Variants in C6 observed in about 807,000 individuals in gnomAD.
C6 encodes complement C6.
C6 carries 101 observed loss-of-function variants against 112.9 expected under a neutral mutation model. The ratio of observed to expected loss-of-function variants is 0.89; its 90% CI spans 0.76 to 1.06. The LOEUF (loss-of-function observed/expected upper bound fraction) is 1.06. C6 is among the 50% of genes least tolerant of loss of function. C6 has a pLI of 0.00. For missense variants in C6, 1,202 were observed against 1,104.6 expected (o/e 1.09, Z -1.25); for synonymous variants, 431 against 384.1 (o/e 1.12, Z -1.43).
At chr5:41,259,372 C>G (rs1450326246) in intron 1 of C6, among the ~76,000 whole-genome samples, 3 of 152,052 alleles carry the variant, frequency 2.0e-5, no homozygotes, top group Non-Finnish European at 4.4e-5. Context: ...TCTAGAATCT[C>G]TTGTATTTTA....
At chr5:41,194,710 T>C (rs1288746305) in intron 5 of C6, among the ~76,000 whole-genome samples, 1 of 140,084 alleles carries the variant, frequency 7.1e-6, no homozygotes, top group Middle Eastern at 3.4e-3. Context: ...GTATAGGAGA[T>C]TATCTTTACT....
chr5:41,225,605 A>G (rs559572841), intron 1 of C6, among the ~76,000 whole-genome samples: 62 of 152,284 alleles, frequency 4.1e-4, no homozygotes, highest in African/African-American at 1.3e-3. Flanking sequence ...GCTGGGTCAA[A>G]TTGTATTTCT....
rs528951229 is a variant in C6, at chr5:41,179,823, TAAAG to T, written c.927+1532_927+1535del. ...AATTATGAATAAATAAATGAATGAA[TAAAG>T]AGTCAAATATCTTGAAGTGTAATAC... On this transcript the variant is annotated intron_variant, in intron 7 of 17. Transcript: ENST00000337836. Among the ~76,000 whole-genome samples, 422 of 151,852 alleles carry T rather than the reference TAAAG, an allele frequency of 2.8e-3. 3 individuals carry two copies. The highest frequency in any genetic ancestry group is 9.8e-3 in the African/African-American group (407 of 41,492).
chr5:41,171,284 T>C (rs932968058), intron 9 of C6, among the ~76,000 whole-genome samples: 2 of 152,156 alleles, frequency 1.3e-5, no homozygotes, highest in Non-Finnish European at 2.9e-5. Context: ...TTGGCTGATT[T>C]AGTTGACGGT....
chr5:41,169,750 C>T (rs1748273846), intron 9 of C6, among the ~76,000 whole-genome samples: 1 of 152,072 alleles, frequency 6.6e-6, no homozygotes, highest in South Asian at 2.1e-4. Flanking sequence ...TAAGAACTCA[C>T]TATCACGAGA....
chr5:41,235,419 T>C (rs1291418129), intron 1 of C6, among the ~76,000 whole-genome samples: 2 of 145,860 alleles, frequency 1.4e-5, no homozygotes, highest in Non-Finnish European at 3.0e-5. Context: ...TCAATTTTTA[T>C]GGCTGCATAG....
chr5:41,145,231 A>C (rs144511643), intron 17 of C6, among the ~76,000 whole-genome samples: 1 of 152,238 alleles, frequency 6.6e-6, no homozygotes, highest in African/African-American at 2.4e-5. Flanking sequence ...TATTTAGCTA[A>C]ATTTTAGTGG....
chr5:41,146,504 A>G (rs2150221670), intron 17 of C6, among the ~76,000 whole-genome samples: 1 of 152,326 alleles, frequency 6.6e-6, no homozygotes, highest in South Asian at 2.1e-4. Context: ...TATCATTTGT[A>G]TATTGATACT....
intron 5 of C6, among the ~76,000 whole-genome samples, chr5:41,188,662 G>C (rs1462485735): frequency 6.6e-6 from 1 of 151,874 alleles, no homozygotes; most frequent in Non-Finnish European, 1.5e-5. Context: ...TGAAACTATA[G>C]AACTTTTAGA....
At chr5:41,148,347 G>A (rs1746044825) in intron 17 of C6, among the ~76,000 whole-genome samples, 5 of 152,084 alleles carry the variant, frequency 3.3e-5, no homozygotes, top group Admixed American at 3.3e-4. Flanking sequence ...GCAATATATA[G>A]AATAACATGT....
At chr5:41,164,243 G>T (rs1478701945) in intron 9 of C6, among the ~76,000 whole-genome samples, 1 of 152,172 alleles carries the variant, frequency 6.6e-6, no homozygotes, top group African/African-American at 2.4e-5. Context: ...TTAGGAAAAT[G>T]AAATAATTCT....
At chr5:41,170,253 TGAG>T (rs1420204307) in intron 9 of C6, among the ~76,000 whole-genome samples, 1 of 152,018 alleles carries the variant, frequency 6.6e-6, no homozygotes, top group African/African-American at 2.4e-5. Flanking sequence ...TTTTCCATGT[TGAG>T]ATTACTTGAT....
chr5:41,243,090 G>A (rs931525411), intron 1 of C6, among the ~76,000 whole-genome samples: 1 of 152,090 alleles, frequency 6.6e-6, no homozygotes, highest in African/African-American at 2.4e-5. Context: ...ACAGCTTGGT[G>A]AATATAGTGA....
chr5:41,180,455 C>T (rs1405937140), intron 7 of C6, among the ~76,000 whole-genome samples: 1 of 151,994 alleles, frequency 6.6e-6, no homozygotes, highest in Non-Finnish European at 1.5e-5. Flanking sequence ...TGAGACATAT[C>T]TAAGAGATTT....
chr5:41,226,688 A>G (rs1018601691), intron 1 of C6, among the ~76,000 whole-genome samples: 1 of 152,100 alleles, frequency 6.6e-6, no homozygotes, highest in African/African-American at 2.4e-5. Context: ...GATTCCCCAC[A>G]TAAGTGAGAT....
chr5:41,231,619 T>G (rs1224863947), intron 1 of C6, among the ~76,000 whole-genome samples: 1 of 152,130 alleles, frequency 6.6e-6, no homozygotes, highest in Admixed American at 6.6e-5. Flanking sequence ...TTGTTTTATC[T>G]TTTTAAAAAT....
chr5:41,180,665 A>G (rs979049119), intron 7 of C6, among the ~76,000 whole-genome samples: 2 of 152,164 alleles, frequency 1.3e-5, no homozygotes, highest in African/African-American at 4.8e-5. Context: ...GATTGTTCTT[A>G]TACAGCAATG....
intron 1 of C6, among the ~76,000 whole-genome samples, chr5:41,229,617 G>T (rs1220125897): frequency 2.0e-5 from 3 of 152,026 alleles, no homozygotes; most frequent in Non-Finnish European, 2.9e-5. Context: ...TCTCAGTAAC[G>T]TTCAGTGTGT....
intron 1 of C6, among the ~76,000 whole-genome samples, chr5:41,240,235 AACAGGG>A (rs1351930934): frequency 1.3e-5 from 2 of 152,088 alleles, no homozygotes; most frequent in African/African-American, 4.8e-5. Context: ...TTTTGCTGGA[AACAGGG>A]ACACCAGTCC....
Sources: gnomAD v4.1 joint callset for allele counts (sites outside exome capture counted in the v4.1 genomes callset) on GRCh38, gnomAD v4.1.1 for gene constraint, MANE v1.5 for transcripts, NCBI Gene and HGNC (gene_info 2026-07-23, HGNC 2026-07-21) for gene names.